The following PECAM1 variants were observed in gnomAD, a reference collection of about 807,000 sequenced individuals.
PECAM1 encodes the protein platelet and endothelial cell adhesion molecule 1.
Under a neutral mutation model 13.8 loss-of-function variants are expected in PECAM1, and 8 were observed. The observed-to-expected ratio is 0.58, with a 90% CI of 0.34 to 1.05. PECAM1 has a LOEUF of 1.05. Among genes scored for constraint, PECAM1 ranks in the 50% least tolerant of loss-of-function variants. The pLI is 0.03. For missense variants in PECAM1, 304 were observed against 141.2 expected, an observed-to-expected ratio of 2.15 and a Z score of -5.84; for synonymous variants, 136 against 52.6, an observed-to-expected ratio of 2.58 and a Z score of -6.86.
chr17:64,328,056 G>T lies in PECAM1; in HGVS notation c.2187+1644C>A, dbSNP rs181572860. On this transcript the variant is annotated intron_variant, in intron 15 of 15. Transcript: ENST00000563924. ...ATCAAATGACTCTATTCTTTTTTCT[G>T]GGGGGACAGGACCAGTCATGGGTGA... Among the ~76,000 whole-genome samples the T allele has an allele frequency of 2.0e-5, 3 of 152,154 alleles. 1 individual carries two copies. Among genetic ancestry groups the T allele is most frequent in the South Asian group, 2.1e-4 (1 of 4,824 alleles).
chr17:64,328,396 T>C (rs1268402627), intron 15 of PECAM1, among the ~76,000 whole-genome samples: 5 of 152,214 alleles, frequency 3.3e-5, no homozygotes, highest in African/African-American at 1.2e-4. Flanking sequence ...CCGCAGAGTA[T>C]AGAGGCCTGG....
chr17:64,381,385 T>C (rs2036477495), intron 2 of PECAM1, among the ~76,000 whole-genome samples: 1 of 152,198 alleles, frequency 6.6e-6, no homozygotes, highest in African/African-American at 2.4e-5. Flanking sequence ...TTTTCTCTCA[T>C]CCTGATTTCC....
At chr17:64,332,204 C>T (rs1202787495) in intron 14 of PECAM1, among the ~76,000 whole-genome samples, 1 of 152,168 alleles carries the variant, frequency 6.6e-6, no homozygotes, top group Non-Finnish European at 1.5e-5. Context: ...TGTCAACAGC[C>T]AAATGATGAA....
Position 64,348,279 on chromosome 17 carries a change from G to A in PECAM1, c.2088C>T (p.Ser696=). 2.1e-6 allele frequency: 1 copy of A among 475,208 alleles called. No individual in the cohort carries two copies. Among genetic ancestry groups the A allele is most frequent in the East Asian group, 3.1e-5 (1 of 32,052 alleles). The allele number at this position is 475,208 out of a possible 1,614,324, so 29.4% of individuals were successfully genotyped here. ...SDVQYTEVQV[S]SAESHKDLGK... is the part of the protein sequence containing the mutation. ...ACTTACCTTTGTGAGACTCAGCTGA[G>A]GACACTTGAACTTCCGTGTACTGCA... The change falls in exon 13 of 16, where the codon TCC becomes TCT. Residue 696 remains serine, a synonymous_variant. Coordinates refer to ENST00000563924, the MANE Select transcript of PECAM1 (RefSeq NM_000442.5).
chr17:64,356,884 G>A (rs1377346976), intron 7 of PECAM1, among the ~76,000 whole-genome samples: 1 of 151,888 alleles, frequency 6.6e-6, no homozygotes, highest in African/African-American at 2.4e-5. Context: ...ACACTTTCTT[G>A]TTACCCCTGA....
intron 13 of PECAM1, among the ~76,000 whole-genome samples, chr17:64,345,513 G>T (rs1261796808): frequency 6.6e-6 from 1 of 152,036 alleles, no homozygotes; most frequent in Non-Finnish European, 1.5e-5. Flanking sequence ...AGGAGTTGGA[G>T]ACCAGCCTGG....
intron 7 of PECAM1, among the ~76,000 whole-genome samples, chr17:64,358,111 C>CTTTTTTTTTTTTTTTTTTTTTT (rs141671796): frequency 1.4e-5 from 1 of 71,534 alleles, no homozygotes; most frequent in Non-Finnish European, 2.4e-5. Flanking sequence ...TGGCCACAGT[C>CTTTTTTTTTTTTTTTTTTTTTT]TTTTTTTTTT....
chr17:64,336,655 C>CCCA (rs2035283160), intron 14 of PECAM1, among the ~76,000 whole-genome samples: 1 of 152,146 alleles, frequency 6.6e-6, no homozygotes, highest in Non-Finnish European at 1.5e-5. Context: ...GAGGCCAAGG[C>CCCA]GGGCAGATCA....
chr17:64,358,135 T>TTATTC, intron 7 of PECAM1, among the ~76,000 whole-genome samples: 1 of 140,372 alleles, frequency 7.1e-6, no homozygotes, highest in African/African-American at 3.0e-5. Flanking sequence ...TTTTTTTTTT[T>TTATTC]TGAGATAGAG....
chr17:64,332,028 G>A (rs2035137557), intron 14 of PECAM1, among the ~76,000 whole-genome samples: 1 of 152,234 alleles, frequency 6.6e-6, no homozygotes, highest in Admixed American at 6.5e-5. Flanking sequence ...CACAGCGGGG[G>A]TCACAATCCT....
At chr17:64,341,260 T>C (rs2035422415) in intron 14 of PECAM1, among the ~76,000 whole-genome samples, 2 of 147,114 alleles carry the variant, frequency 1.4e-5, no homozygotes, top group South Asian at 4.2e-4. Flanking sequence ...CGAGACTCCA[T>C]ATCCAAAAAA....
chr17:64,352,661 T>A (rs1322091478), intron 10 of PECAM1, among the ~76,000 whole-genome samples, 198 bp from the exon 11 acceptor site: 1 of 7,248 alleles, frequency 1.4e-4, no homozygotes, highest in Non-Finnish European at 8.1e-3. Flanking sequence ...TAAAAAAACT[T>A]TTTTTTTTTT....
intron 11 of PECAM1, 38 bp from the exon 12 acceptor site, chr17:64,350,471 A>C: frequency 2.4e-6 from 1 of 417,644 alleles, no homozygotes; most frequent in Non-Finnish European, 4.4e-6. Context: ...GTGACAAGGG[A>C]AATTCTAGTT....
intron 7 of PECAM1, among the ~76,000 whole-genome samples, chr17:64,359,398 A>G (rs1342996651): frequency 3.9e-5 from 6 of 152,234 alleles, no homozygotes; most frequent in Non-Finnish European, 8.8e-5. Context: ...TCCCAGGCAA[A>G]TGTTAGTAAC....
chr17:64,342,429 G>C (rs1315728990), intron 13 of PECAM1, among the ~76,000 whole-genome samples: 1 of 152,128 alleles, frequency 6.6e-6, no homozygotes, highest in Non-Finnish European at 1.5e-5. Flanking sequence ...TGAGAGCCCA[G>C]ACCCCGGGAT....
At chr17:64,354,180 G>A (rs1483892440) in intron 9 of PECAM1, among the ~76,000 whole-genome samples, 1 of 152,110 alleles carries the variant, frequency 6.6e-6, no homozygotes, top group Non-Finnish European at 1.5e-5. Flanking sequence ...GACCTCAAGT[G>A]ATCTGCCTGC....
chr17:64,322,007 TGAC>T lies in PECAM1; in HGVS notation c.*1806_*1808del, dbSNP rs2143642916. The T allele has an allele frequency of 8.1e-7, 1 of 1,238,768 alleles. No individual in the cohort carries two copies. The highest frequency in any genetic ancestry group is 1.0e-6 in the Non-Finnish European group (1 of 958,166). 76.7% of individuals were successfully genotyped at this position (1,238,768 alleles called of 1,614,324 possible). On this transcript the variant is annotated 3_prime_UTR_variant, in exon 16 of 16. Transcript: ENST00000563924. ...CCACTCAGAAAACCTGGAAATTGTA[TGAC>T]ATTTTCGTGATACAACTCGGTGTGT...
Position 64,323,516 on chromosome 17 carries a change from A to G in PECAM1, c.*300T>C, listed in dbSNP as rs1555644916. ...GCACAAAACAAAATATTCAAGTTTC[A>G]GAATATCCCAATGGCCTTGCCCTGG... On this transcript the variant is annotated 3_prime_UTR_variant, in exon 16 of 16. Transcript: ENST00000563924. The G allele has an allele frequency of 3.0e-6, 4 of 1,351,938 alleles. No homozygotes were observed. Among genetic ancestry groups the G allele is most frequent in the Non-Finnish European group, 9.5e-7 (1 of 1,048,760 alleles). The allele number at this position is 1,351,938 out of a possible 1,614,324, so 83.7% of individuals were successfully genotyped here. A position where few individuals can be genotyped will look rare whatever the true frequency, so the allele number is the denominator to read the frequency against.
intron 15 of PECAM1, among the ~76,000 whole-genome samples, chr17:64,327,241 C>G (rs2034982359): frequency 6.6e-6 from 1 of 152,218 alleles, no homozygotes; most frequent in African/African-American, 2.4e-5. Context: ...TACTATTGCC[C>G]AAGTGATGAA....
Sources: allele counts gnomAD v4.1 joint callset (sites outside exome capture counted in the v4.1 genomes callset), GRCh38; gene constraint gnomAD v4.1.1; transcripts MANE v1.5; gene names NCBI Gene and HGNC (gene_info 2026-07-23, HGNC 2026-07-21).